The following AP3S2 variants were observed in gnomAD, a reference collection of about 807,000 sequenced individuals.
The protein encoded by AP3S2 is adaptor related protein complex 3 subunit sigma 2.
A neutral mutation model predicts 23.4 loss-of-function variants in AP3S2; 22 were observed. The ratio of observed to expected loss-of-function variants is 0.94; its 90% CI spans 0.67 to 1.34. AP3S2 has a LOEUF of 1.34. AP3S2 is among the 40% of genes most tolerant of loss of function. AP3S2 has a pLI of 0.00. For missense variants in AP3S2, 241 were observed against 236.9 expected, an observed-to-expected ratio of 1.02 and a Z score of -0.11; for synonymous variants, 86 against 87.1, an observed-to-expected ratio of 0.99 and a Z score of 0.07.
chr15:89,888,399 G>T, intron 3 of AP3S2, 122 bp downstream of exon 3: 1 of 841,900 alleles, frequency 1.2e-6, no homozygotes, highest in African/African-American at 1.7e-5. Context: ...CCATCTGGTG[G>T]ACATCTGGCA....
At position 89,837,641 on chromosome 15, in the gene AP3S2, C is replaced by T. The variant is rs145323466; in HGVS notation, c.427G>A (p.Ala143Thr). 2 of 1,614,064 alleles carry T rather than the reference C, an allele frequency of 1.2e-6. No homozygotes were observed. The highest frequency in any genetic ancestry group is 1.3e-5 in the African/African-American group (1 of 74,938). Reference sequence around the variant, plus strand: ...TCGGATTTCTCCAGCCTGTTTTGAGCCTCAATCTGAGCCACGATTTCATTC... The same window carrying T: ...TCGGATTTCTCCAGCCTGTTTTGAGTCTCAATCTGAGCCACGATTTCATTC... Reference protein sequence around the residue: ...NMNEIVAQIEAQNRLEKSEGG... With the variant: ...NMNEIVAQIETQNRLEKSEGG... The change falls in exon 5 of 6, where the codon GCT becomes ACT. Residue 143 changes from alanine (A) to threonine (T), a missense_variant. Ala to Thr is a moderately conservative substitution (Grantham distance 58, BLOSUM62 0). Transcript: ENST00000336418.
At chr15:89,881,381 ATTAG>A (rs778590078) in intron 3 of AP3S2, among the ~76,000 whole-genome samples, 13 of 152,196 alleles carry the variant, frequency 8.5e-5, no homozygotes, top group Non-Finnish European at 1.2e-4. Flanking sequence ...TTAGACAATA[ATTAG>A]TTAAATAAGT....
chr15:89,862,154 A>C (rs1596203384), intron 4 of AP3S2, among the ~76,000 whole-genome samples: 1 of 152,210 alleles, frequency 6.6e-6, no homozygotes, highest in African/African-American at 2.4e-5. Flanking sequence ...ATGTGGGATC[A>C]ACAAGAAGGA....
chr15:89,836,068 GA>G (rs1272511490), intron 5 of AP3S2, among the ~76,000 whole-genome samples: 1 of 152,124 alleles, frequency 6.6e-6, no homozygotes, highest in African/African-American at 2.4e-5. Context: ...AGGATGCCTA[GA>G]AAAATTCCAA....
chr15:89,878,750 CTTTG>C (rs1896500858), intron 3 of AP3S2, among the ~76,000 whole-genome samples: 1 of 151,806 alleles, frequency 6.6e-6, no homozygotes, highest in Non-Finnish European at 1.5e-5. Context: ...GTTGCTGTTT[CTTTG>C]TTTGTTTTGA....
chr15:89,891,359 G>T (rs1479693106), intron 1 of AP3S2, among the ~76,000 whole-genome samples: 1 of 152,060 alleles, frequency 6.6e-6, no homozygotes, highest in Non-Finnish European at 1.5e-5. Flanking sequence ...TTTGGAAACT[G>T]AAATCAAAAC....
At chr15:89,877,438 C>A in intron 3 of AP3S2, 2 of 1,265,330 alleles carry the variant, frequency 1.6e-6, no homozygotes, top group Non-Finnish European at 2.1e-6. Context: ...TGGTAAAATA[C>A]ACGTAACATA....
At chr15:89,868,654 C>G (rs1180247184) in intron 4 of AP3S2, among the ~76,000 whole-genome samples, 2 of 112,656 alleles carry the variant, frequency 1.8e-5, no homozygotes, top group East Asian at 6.0e-4. Context: ...AAGTGAGGAG[C>G]CCCTCTGCCC....
At chr15:89,885,282 C>A (rs1167910165) in intron 3 of AP3S2, among the ~76,000 whole-genome samples, 4 of 151,992 alleles carry the variant, frequency 2.6e-5, no homozygotes, top group African/African-American at 9.7e-5. Flanking sequence ...GCAACCTCTG[C>A]CTCCCAGGTT....
intron 4 of AP3S2, among the ~76,000 whole-genome samples, chr15:89,841,135 G>T (rs928040322): frequency 3.9e-5 from 6 of 152,172 alleles, no homozygotes; most frequent in African/African-American, 9.6e-5. Context: ...TATAGTAAAA[G>T]GCCTAACACA....
chr15:89,842,358 T>C (rs955307888), intron 4 of AP3S2, among the ~76,000 whole-genome samples: 8 of 152,218 alleles, frequency 5.3e-5, no homozygotes, highest in Admixed American at 3.3e-4. Context: ...AAGGTGTTTC[T>C]GAACTATAAG....
Position 89,835,262 on chromosome 15 carries a change from G to A in AP3S2, c.*253C>T. Reference sequence around the variant, plus strand: ...GTTGACTCCCTACTGAGGAAGGCAGGGCCCCTCACATCTGCAGTGGCCGTA... The same window carrying A: ...GTTGACTCCCTACTGAGGAAGGCAGAGCCCCTCACATCTGCAGTGGCCGTA... On this transcript the variant is annotated 3_prime_UTR_variant, in exon 6 of 6. Transcript: ENST00000336418. The A allele has an allele frequency of 1.8e-6, 1 of 555,078 alleles. No homozygotes were observed. The highest frequency in any genetic ancestry group is 3.0e-6 in the Non-Finnish European group (1 of 327,966). The allele number at this position is 555,078 out of a possible 1,614,324, so 34.4% of individuals were successfully genotyped here.
chr15:89,884,521 T>C (rs1220310064), intron 3 of AP3S2, among the ~76,000 whole-genome samples: 1 of 152,142 alleles, frequency 6.6e-6, no homozygotes, highest in African/African-American at 2.4e-5. Flanking sequence ...TGCTTGTTAA[T>C]GGCAGAGTCA....
At chr15:89,883,568 T>C (rs1306905526) in intron 3 of AP3S2, among the ~76,000 whole-genome samples, 1 of 152,056 alleles carries the variant, frequency 6.6e-6, no homozygotes, top group Non-Finnish European at 1.5e-5. Flanking sequence ...TTATAGAGAC[T>C]AGGTCTCACT....
chr15:89,859,390 T>TCTTC (rs1287358470), intron 4 of AP3S2, among the ~76,000 whole-genome samples: 1 of 88,020 alleles, frequency 1.1e-5, no homozygotes, highest in Non-Finnish European at 2.4e-5. Flanking sequence ...TCCTTCCTTT[T>TCTTC]CTTTCTTTCT....
At chr15:89,837,782 C>G (rs573708975) in intron 4 of AP3S2, 60 bp from the exon 5 acceptor site, 1 of 1,602,818 alleles carries the variant, frequency 6.2e-7, no homozygotes, top group African/African-American at 1.3e-5. Flanking sequence ...GTGTAACCCA[C>G]GAGGTTTCCT....
At chr15:89,849,584 G>A (rs1203512307) in intron 4 of AP3S2, among the ~76,000 whole-genome samples, 2 of 151,914 alleles carry the variant, frequency 1.3e-5, no homozygotes, top group Non-Finnish European at 1.5e-5. Flanking sequence ...AGCCAGGATG[G>A]TCTCGATCTC....
intron 3 of AP3S2, among the ~76,000 whole-genome samples, chr15:89,883,291 C>G (rs1373362799): frequency 1.3e-5 from 2 of 152,166 alleles, no homozygotes; most frequent in Non-Finnish European, 2.9e-5. Flanking sequence ...GGCCACCTTA[C>G]ATTGATAACT....
At chr15:89,891,550 T>TC (rs1219973981) in intron 1 of AP3S2, among the ~76,000 whole-genome samples, 1 of 151,354 alleles carries the variant, frequency 6.6e-6, no homozygotes, top group Non-Finnish European at 1.5e-5. Context: ...TCCTAGCTAC[T>TC]CAGGAGACTG....
Sources: gnomAD v4.1 joint callset for allele counts (sites outside exome capture counted in the v4.1 genomes callset) on GRCh38, gnomAD v4.1.1 for gene constraint, MANE v1.5 for transcripts, NCBI Gene and HGNC (gene_info 2026-07-23, HGNC 2026-07-21) for gene names.